MTREX: variants seen among roughly 807,000 people sequenced by gnomAD.
MTREX encodes exosome RNA helicase MTR4.
MTREX carries 76 observed loss-of-function variants against 135.4 expected under a neutral mutation model. The ratio of observed to expected loss-of-function variants is 0.56; its 90% confidence interval spans 0.47 to 0.68. MTREX has a LOEUF of 0.68. Ranked by LOEUF, MTREX falls within the 30% of genes least tolerant of loss-of-function variation. MTREX has a pLI of 0.00. For missense variants in MTREX, 920 were observed against 1,262.1 expected, an observed-to-expected ratio of 0.73 and a Z score of 4.11; for synonymous variants, 404 against 401.6, an observed-to-expected ratio of 1.01 and a Z score of -0.07.
chr5:55,367,484 CAA>C (rs200853559), intron 16 of MTREX, among the ~76,000 whole-genome samples: 24 of 102,742 alleles, frequency 2.3e-4, no homozygotes, highest in Admixed American at 2.2e-4. Flanking sequence ...GACTCCGACT[CAA>C]AAAAAAAAAA....
intron 15 of MTREX, among the ~76,000 whole-genome samples, chr5:55,361,512 T>G (rs1229083215): frequency 6.6e-6 from 1 of 152,218 alleles, no homozygotes; most frequent in Non-Finnish European, 1.5e-5. Context: ...ATTTTTTTCC[T>G]TCATTTTTAT....
intron 10 of MTREX, 93 bp downstream of exon 10, chr5:55,345,289 C>T (rs1257903588): frequency 3.8e-6 from 3 of 792,396 alleles, no homozygotes; most frequent in Non-Finnish European, 4.3e-6. Flanking sequence ...TTTTCTCAAG[C>T]TATGTAAAGG....
intron 5 of MTREX, among the ~76,000 whole-genome samples, chr5:55,333,505 C>T (rs1015278843): frequency 6.6e-5 from 10 of 152,024 alleles, no homozygotes; most frequent in African/African-American, 2.4e-4. Flanking sequence ...ATTAGTGTAA[C>T]CTTGCTTTCA....
intron 18 of MTREX, among the ~76,000 whole-genome samples, chr5:55,385,826 A>T (rs548830693): frequency 3.3e-5 from 5 of 152,328 alleles, no homozygotes; most frequent in South Asian, 2.1e-4. Flanking sequence ...ACATATTTTT[A>T]AAAAATTACT....
chr5:55,347,435 T>C (rs1749756364), intron 11 of MTREX, among the ~76,000 whole-genome samples: 3 of 152,172 alleles, frequency 2.0e-5, no homozygotes, highest in South Asian at 2.1e-4. Context: ...AACTCCTCAG[T>C]TATTGTGGCT....
intron 20 of MTREX, among the ~76,000 whole-genome samples, chr5:55,398,093 T>C (rs572479554): frequency 1.9e-4 from 29 of 152,038 alleles, no homozygotes; most frequent in Admixed American, 3.9e-4. Flanking sequence ...AAGAAATTAG[T>C]AGGACTCAGT....
intron 1 of MTREX, among the ~76,000 whole-genome samples, chr5:55,315,034 G>T (rs1349267705): frequency 6.6e-6 from 1 of 152,176 alleles, no homozygotes; most frequent in Admixed American, 6.5e-5. Flanking sequence ...GGGGTTGGGG[G>T]CCCATTTTAA....
Position 55,328,705 on chromosome 5 carries a change from C to T in MTREX, c.409C>T (p.Pro137Ser), listed in dbSNP as rs1328380552. ...PRVGKAAKEY[P>S]FILDAFQREA... is the part of the protein sequence containing the mutation. ...TAATGTTTTGTTTTTATAGGAATACCCGTTCATTCTTGATGCTTTTCAAAG... is the reference window on the plus strand; with the variant it reads ...TAATGTTTTGTTTTTATAGGAATACTCGTTCATTCTTGATGCTTTTCAAAG... Residue 137 changes from proline to serine, a missense_variant, in exon 5 of 27, where the codon CCG (proline) becomes TCG (serine). Pro to Ser is a moderately conservative substitution (Grantham distance 74). Transcript: ENST00000230640. 1.9e-6 allele frequency: 3 copies of T among 1,605,044 alleles called. No individual in the cohort carries two copies. The highest frequency in any genetic ancestry group is 2.6e-6 in the Non-Finnish European group (3 of 1,172,812).
intron 1 of MTREX, among the ~76,000 whole-genome samples, chr5:55,311,967 GT>G (rs1561182259): frequency 6.6e-6 from 1 of 151,946 alleles, no homozygotes; most frequent in Non-Finnish European, 1.5e-5. Flanking sequence ...TTAGATTCAG[GT>G]TCAGTTTACT....
chr5:55,393,292 C>G (rs1030179872), intron 19 of MTREX, among the ~76,000 whole-genome samples: 3 of 152,174 alleles, frequency 2.0e-5, no homozygotes, highest in African/African-American at 7.2e-5. Context: ...CAAGTTTTCT[C>G]AGTGTTGGCA....
In MTREX at chr5:55,358,714, T is replaced by C. The variant is rs975846145; in HGVS notation, c.1659+16T>C. The C allele has an allele frequency of 6.4e-7, 1 of 1,568,328 alleles. No homozygotes were observed. Among genetic ancestry groups the C allele is most frequent in the African/African-American group, 1.4e-5 (1 of 72,342 alleles). On this transcript the variant is annotated intron_variant, in intron 15 of 26. Coordinates refer to ENST00000230640, the MANE Select transcript of MTREX (RefSeq NM_015360.5). Reference sequence around the variant, plus strand: ...ATTACTTAAGGTAACTACATTAAGATTGTGTACCTTTACCAAGAATTCCAG... The same window carrying C: ...ATTACTTAAGGTAACTACATTAAGACTGTGTACCTTTACCAAGAATTCCAG...
At position 55,341,777 on chromosome 5, in the gene MTREX, T is replaced by G. The variant is rs1319024098; in HGVS notation, c.781+6T>G. 19 of 1,380,964 alleles carry G rather than the reference T, an allele frequency of 1.4e-5. No individual in the cohort carries two copies. Among genetic ancestry groups the G allele is most frequent in the Non-Finnish European group, 1.9e-5 (19 of 979,650 alleles). The allele number at this position is 1,380,964 out of a possible 1,614,324, so 85.5% of individuals were successfully genotyped here. A position where few individuals can be genotyped will look rare whatever the true frequency, so the allele number is the denominator to read the frequency against. On this transcript the variant is annotated splice_donor_region_variant and intron_variant, in intron 7 of 26. Coordinates refer to ENST00000230640, the MANE Select transcript of MTREX (RefSeq NM_015360.5). ...TCATTATATGAGAGATTCAGGTATA[T>G]TCAGTGTTGAAATGTATATCATGTA...
chr5:55,380,511 T>C (rs1372950854), intron 18 of MTREX, among the ~76,000 whole-genome samples: 1 of 152,228 alleles, frequency 6.6e-6, no homozygotes, highest in Non-Finnish European at 1.5e-5. Context: ...ATTTCTTATG[T>C]GCCTATTGAG....
intron 16 of MTREX, among the ~76,000 whole-genome samples, chr5:55,377,408 A>G (rs1750323524): frequency 6.6e-6 from 1 of 152,222 alleles, no homozygotes. Context: ...TAATACCTCT[A>G]AAGAAGCTCA....
chr5:55,339,325 T>G (rs1170352707), intron 5 of MTREX, among the ~76,000 whole-genome samples: 2 of 152,214 alleles, frequency 1.3e-5, no homozygotes, highest in Admixed American at 1.3e-4. Context: ...ACTTCTGATT[T>G]TTTAAAAATT....
rs367808621 is a variant in MTREX, at chr5:55,314,114, CTTG to C, written c.134+5979_134+5981del. Among the ~76,000 whole-genome samples, 940 of 151,934 alleles carry C rather than the reference CTTG, an allele frequency of 6.2e-3. 7 individuals are homozygous for C. Among genetic ancestry groups the C allele is most frequent in the African/African-American group, 0.022 (895 of 41,414 alleles). ...ATGTCTGTTTTGTAGAAGTCTGTTT[CTTG>C]TTGTTGTTGTTTGCCATTTTATCTT... On this transcript the variant is annotated intron_variant, in intron 1 of 26. Transcript: ENST00000230640.
intron 19 of MTREX, among the ~76,000 whole-genome samples, chr5:55,395,196 A>G (rs1579891297): frequency 6.6e-6 from 1 of 152,212 alleles, no homozygotes; most frequent in East Asian, 1.9e-4. Context: ...ACTTGAGGTC[A>G]GGAGTTCGAG....
intron 19 of MTREX, among the ~76,000 whole-genome samples, chr5:55,395,325 G>C (rs1320922861): frequency 6.6e-6 from 1 of 151,990 alleles, no homozygotes; most frequent in African/African-American, 2.4e-5. Flanking sequence ...AAAATTGCTT[G>C]AACCCGGGAG....
intron 5 of MTREX, among the ~76,000 whole-genome samples, chr5:55,332,886 C>T (rs1422174054): frequency 1.3e-5 from 2 of 152,144 alleles, no homozygotes; most frequent in East Asian, 1.9e-4. Context: ...GTTATCTTAT[C>T]TATTATTAGT....
Sources: allele counts gnomAD v4.1 joint callset (sites outside exome capture counted in the v4.1 genomes callset), GRCh38; gene constraint gnomAD v4.1.1; transcripts MANE v1.5; gene names NCBI Gene and HGNC (gene_info 2026-07-23, HGNC 2026-07-21).